NFIB: variants seen among roughly 807,000 people sequenced by gnomAD.
NFIB encodes the protein nuclear factor 1 B-type.
In NFIB, 11 loss-of-function variants were observed where a neutral mutation model predicts 61.5. The ratio of observed to expected loss-of-function variants is 0.18; its 90% CI spans 0.11 to 0.30. The LOEUF is 0.30. Ranked by LOEUF, NFIB falls within the 10% of genes least tolerant of loss-of-function variation. The pLI, the probability that NFIB is intolerant of heterozygous loss-of-function variation, is 1.00. For synonymous variants in NFIB, 260 were observed against 216.5 expected (o/e 1.20, Z -1.76); for missense variants, 471 against 608.9 (o/e 0.77, Z 2.38).
intron 2 of NFIB, among the ~76,000 whole-genome samples, chr9:14,199,736 G>A (rs2048821678): frequency 6.6e-6 from 1 of 152,096 alleles, no homozygotes; most frequent in African/African-American, 2.4e-5. Context: ...CAACATTGCA[G>A]ACTGATTATG....
At chr9:14,386,713 T>C (rs954340064) in intron 1 of NFIB, among the ~76,000 whole-genome samples, 1 of 152,210 alleles carries the variant, frequency 6.6e-6, no homozygotes, top group Non-Finnish European at 1.5e-5. Flanking sequence ...AGTGCTTCTA[T>C]TTTTATATAT....
At chr9:14,474,160 T>A in the NFIB span, among the ~76,000 whole-genome samples, 2 of 152,346 alleles carry the variant, frequency 1.3e-5, no homozygotes, top group East Asian at 1.9e-4. Context: ...GTGGCTTTAA[T>A]AGAATATCAT....
chr9:14,269,596 G>A (rs2057453670), intron 2 of NFIB, among the ~76,000 whole-genome samples: 1 of 152,160 alleles, frequency 6.6e-6, no homozygotes, highest in Non-Finnish European at 1.5e-5. Context: ...GCAATGCACT[G>A]CACACATATA....
At chr9:14,480,686 G>C in the NFIB span, among the ~76,000 whole-genome samples, 1 of 152,116 alleles carries the variant, frequency 6.6e-6, no homozygotes, top group Non-Finnish European at 1.5e-5. Context: ...AATTCCCAAA[G>C]CAAAAGGAGG....
At chr9:14,351,503 T>C (rs78798209) in intron 1 of NFIB, among the ~76,000 whole-genome samples, 8,431 of 152,250 alleles carry the variant, frequency 0.055, 248 homozygotes, top group South Asian at 0.11. Context: ...TGGTGCCAAC[T>C]GCACTCAAGG....
At chr9:14,211,260 A>G (rs1287749614) in intron 2 of NFIB, among the ~76,000 whole-genome samples, 3 of 152,228 alleles carry the variant, frequency 2.0e-5, no homozygotes, top group Non-Finnish European at 4.4e-5. Context: ...ATCTGGAATT[A>G]GAATTCAATT....
intron 3 of NFIB, among the ~76,000 whole-genome samples, chr9:14,179,290 TC>T (rs1234413039): frequency 6.6e-6 from 1 of 151,978 alleles, no homozygotes; most frequent in Non-Finnish European, 1.5e-5. Context: ...CTTGCAAAAA[TC>T]CTTCAGTGAA....
chr9:14,454,255 T>A, the NFIB span, among the ~76,000 whole-genome samples: 4 of 152,222 alleles, frequency 2.6e-5, no homozygotes, highest in African/African-American at 9.6e-5. Context: ...ACCTGACTTG[T>A]CAAATGAGGA....
At chr9:14,266,171 G>A (rs902863499) in intron 2 of NFIB, among the ~76,000 whole-genome samples, 1 of 152,072 alleles carries the variant, frequency 6.6e-6, no homozygotes, top group African/African-American at 2.4e-5. Context: ...CAGCTCCACT[G>A]GCTTCTAAGT....
At chr9:14,470,579 A>G in the NFIB span, among the ~76,000 whole-genome samples, 1 of 152,110 alleles carries the variant, frequency 6.6e-6, no homozygotes, top group Non-Finnish European at 1.5e-5. Context: ...CATAGTACAA[A>G]ACCTGGCTGC....
the NFIB span, among the ~76,000 whole-genome samples, chr9:14,527,211 TTC>T: frequency 6.6e-6 from 1 of 152,134 alleles, no homozygotes; most frequent in Non-Finnish European, 1.5e-5. Context: ...AAAGTATAAT[TTC>T]TCTGTGACAA....
chr9:14,504,861 G>A, the NFIB span, among the ~76,000 whole-genome samples: 1 of 152,116 alleles, frequency 6.6e-6, no homozygotes, highest in Non-Finnish European at 1.5e-5. Context: ...AGGACTTCCA[G>A]TACTATGTTG....
In NFIB at chr9:14,086,780, G is replaced by GTT. The variant is rs770203746; in HGVS notation, c.*1527_*1528dup. ...TGATGTCACTTTGTTGTATTTTTTT[G>GTT]TTTTTTTTTTTTTGTTTTTTGTTTT... is the stretch of plus-strand genomic sequence containing the variant. On this transcript the variant is annotated 3_prime_UTR_variant, in exon 11 of 11. Coordinates refer to ENST00000380953, the MANE Select transcript of NFIB (RefSeq NM_001190737.2). 5.7e-4 allele frequency: 96 copies of GTT among 166,972 alleles called. No homozygotes were observed. Among genetic ancestry groups the GTT allele is most frequent in the East Asian group, 1.2e-3 (12 of 10,214 alleles). The allele number at this position is 166,972 out of a possible 1,614,324, so 10.3% of individuals were successfully genotyped here.
chr9:14,158,122 A>AAAAC, intron 3 of NFIB, among the ~76,000 whole-genome samples: 1 of 151,802 alleles, frequency 6.6e-6, no homozygotes, highest in South Asian at 2.1e-4. Flanking sequence ...AAAAAAAAAA[A>AAAAC]AAAACAAAAC....
At chr9:14,331,988 C>T (rs902986802) in intron 1 of NFIB, among the ~76,000 whole-genome samples, 2 of 152,168 alleles carry the variant, frequency 1.3e-5, no homozygotes, top group African/African-American at 4.8e-5. Flanking sequence ...CTCCAAGCCT[C>T]TCTGAGTGCC....
At chr9:14,133,180 A>AT (rs1338035796) in intron 6 of NFIB, among the ~76,000 whole-genome samples, 6 of 152,130 alleles carry the variant, frequency 3.9e-5, no homozygotes, top group Non-Finnish European at 7.4e-5. Context: ...ACTTTCATAG[A>AT]TTTTTTTTAA....
intron 10 of NFIB, among the ~76,000 whole-genome samples, chr9:14,098,232 G>C (rs770422879): frequency 5.3e-5 from 8 of 152,050 alleles, no homozygotes; most frequent in Non-Finnish European, 7.4e-5. Context: ...GGTAACACGC[G>C]CATGTTTATT....
intron 2 of NFIB, among the ~76,000 whole-genome samples, chr9:14,222,563 G>A (rs2051807717): frequency 1.3e-5 from 2 of 152,148 alleles, no homozygotes; most frequent in Admixed American, 1.3e-4. Flanking sequence ...AGCACTTTGG[G>A]AGGCCAAAAT....
chr9:14,397,953 A>G (rs1250781695), intron 1 of NFIB, among the ~76,000 whole-genome samples: 1 of 152,152 alleles, frequency 6.6e-6, no homozygotes, highest in Admixed American at 6.5e-5. Flanking sequence ...TTCCTCAGCA[A>G]TATAACATTT....
Sources: gnomAD v4.1 joint callset for allele counts (sites outside exome capture counted in the v4.1 genomes callset) on GRCh38, gnomAD v4.1.1 for gene constraint, MANE v1.5 for transcripts, NCBI Gene and HGNC (gene_info 2026-07-23, HGNC 2026-07-21) for gene names.